ALDH1L1: variants seen among roughly 807,000 people sequenced by gnomAD.
ALDH1L1 encodes the protein cytosolic 10-formyltetrahydrofolate dehydrogenase.
In ALDH1L1, 68 loss-of-function variants were observed where a neutral mutation model predicts 101.1. The ratio of observed to expected loss-of-function variants is 0.67; its 90% CI spans 0.55 to 0.82. ALDH1L1 has a LOEUF of 0.82. Ranked by LOEUF, ALDH1L1 falls within the 40% of genes least tolerant of loss-of-function variation. The probability of loss-of-function intolerance (pLI) is 0.00; values close to 1 mark genes in which losing one functional copy is unlikely to be tolerated. For missense variants in ALDH1L1, 1,087 were observed against 1,172.7 expected (o/e 0.93, Z 1.07); for synonymous variants, 486 against 470.8 (o/e 1.03, Z -0.42).
At chr3:126,178,146 C>A (rs1475857203) in intron 1 of ALDH1L1, among the ~76,000 whole-genome samples, 1 of 152,138 alleles carries the variant, frequency 6.6e-6, no homozygotes, top group African/African-American at 2.4e-5. Flanking sequence ...CTTTGGGAGG[C>A]CAAGGCAGAG....
intron 1 of ALDH1L1, among the ~76,000 whole-genome samples, chr3:126,166,937 T>A (rs1357331494): frequency 6.6e-6 from 1 of 152,192 alleles, no homozygotes; most frequent in Non-Finnish European, 1.5e-5. Flanking sequence ...TCATAATTTC[T>A]GCTCATACAA....
rs374192935 is a variant in ALDH1L1 at position 126,153,559 on chromosome 3, G to A, written c.743C>T (p.Thr248Met). The change falls in exon 7 of 23, where the codon ACG becomes ATG. Residue 248 changes from threonine to methionine, a missense_variant. Thr to Met is a moderately conservative substitution (Grantham distance 81, BLOSUM62 -1). Around this residue, in one of 2 missense-constraint regions of ALDH1L1, gnomAD observed 645 missense variants for 637.0 expected, o/e 1.01. Transcript: ENST00000393434. ...CEQKLTFFNSTLNTSGLVPEG... is the reference protein window; with the variant it reads ...CEQKLTFFNSMLNTSGLVPEG... Reference sequence around the variant, plus strand: ...GGGCACCAGGCCTGAAGTGTTCAGCGTTGAGTTGAAAAATGTCAGTTTCTG... The same window carrying A: ...GGGCACCAGGCCTGAAGTGTTCAGCATTGAGTTGAAAAATGTCAGTTTCTG... 4 of 1,612,722 alleles carry A rather than the reference G, an allele frequency of 2.5e-6. No individual in the cohort carries two copies. The highest frequency in any genetic ancestry group is 1.3e-5 in the African/African-American group (1 of 74,848).
At position 126,157,492 on chromosome 3, in the gene ALDH1L1, C is replaced by T; in HGVS notation, c.379G>A (p.Asp127Asn). 6.2e-7 allele frequency: 1 copy of T among 1,613,936 alleles called. No homozygotes were observed. The highest frequency in any genetic ancestry group is 2.2e-5 in the East Asian group (1 of 44,862). The change falls in exon 4 of 23, where the codon GAT (aspartate) becomes AAT (asparagine). Residue 127 changes from aspartate to asparagine, a missense_variant. By Grantham distance (23) the Asp-to-Asn change is conservative (BLOSUM62 1). Transcript: ENST00000393434. ...SAINWTLIHGDKKGGFSIFWA... is the reference protein window; with the variant it reads ...SAINWTLIHGNKKGGFSIFWA... ...AAGATGGAAAACCCCCCTTTCTTAT[C>T]TCCGTGAATGAGGGTCCTAGGAAGC...
intron 12 of ALDH1L1, among the ~76,000 whole-genome samples, chr3:126,133,660 G>C (rs2080360194): frequency 6.6e-6 from 1 of 152,204 alleles, no homozygotes; most frequent in African/African-American, 2.4e-5. Flanking sequence ...TCACACCCTG[G>C]CACCCATGCT....
chr3:126,105,922 G>A lies in ALDH1L1; in HGVS notation c.2457C>T (p.Asp819=), dbSNP rs1482057853. The change falls in exon 22 of 23, where the codon GAC becomes GAT. Residue 819 remains aspartate (D), a synonymous_variant. Transcript: ENST00000393434. ...TGGCCCGAGACAGCACGGCATCCAA[G>A]TCCCTGGAGAGAAAGTCCAGGAAGA... ...VMIISRFADG[D]LDAVLSRANA... 5.6e-6 allele frequency: 9 copies of A among 1,611,702 alleles called. No individual in the cohort carries two copies. Among genetic ancestry groups the A allele is most frequent in the Non-Finnish European group, 7.6e-6 (9 of 1,177,978 alleles).
intron 10 of ALDH1L1, 71 bp from the exon 11 acceptor site, chr3:126,136,954 A>G: frequency 6.3e-7 from 1 of 1,590,368 alleles, no homozygotes. Flanking sequence ...ATGGCCACAC[A>G]GTCACACACA....
chr3:126,173,947 T>G (rs929576834), intron 1 of ALDH1L1, among the ~76,000 whole-genome samples: 5 of 152,224 alleles, frequency 3.3e-5, no homozygotes, highest in African/African-American at 9.6e-5. Flanking sequence ...TGCTAAAATG[T>G]GTAAAGCAAA....
chr3:126,106,997 G>A lies in ALDH1L1; in HGVS notation c.2453+144C>T, dbSNP rs548122544. On this transcript the variant is annotated intron_variant, in intron 21 of 22. Coordinates refer to ENST00000393434, the MANE Select transcript of ALDH1L1 (RefSeq NM_012190.4). Reference sequence around the variant, plus strand: ...TCAGGGGTGTGGAGACTCAGCAGGCGGCACAAGCGGGGTGTCCACGGCTTG... The same window carrying A: ...TCAGGGGTGTGGAGACTCAGCAGGCAGCACAAGCGGGGTGTCCACGGCTTG... The A allele has an allele frequency of 2.1e-4, 149 of 693,158 alleles. 1 individual carries two copies. Among genetic ancestry groups the A allele is most frequent in the African/African-American group, 1.2e-4 (7 of 56,336 alleles). 42.9% of individuals were successfully genotyped at this position (693,158 alleles called of 1,614,324 possible). A position where few individuals can be genotyped will look rare whatever the true frequency, so the allele number is the denominator to read the frequency against.
intron 3 of ALDH1L1, among the ~76,000 whole-genome samples, chr3:126,158,078 G>A (rs887015220): frequency 7.9e-5 from 12 of 152,022 alleles, no homozygotes; most frequent in Non-Finnish European, 1.2e-4. Context: ...TGGCCCCTGC[G>A]CCTCCTGGTG....
chr3:126,173,986 TG>T (rs2081328014), intron 1 of ALDH1L1, among the ~76,000 whole-genome samples: 1 of 152,196 alleles, frequency 6.6e-6, no homozygotes, highest in Non-Finnish European at 1.5e-5. Context: ...GAGAAATAGA[TG>T]AATCCACTAT....
chr3:126,140,279 T>C (rs368945376), intron 9 of ALDH1L1, among the ~76,000 whole-genome samples: 1 of 152,094 alleles, frequency 6.6e-6, no homozygotes, highest in African/African-American at 2.4e-5. Flanking sequence ...TGGGGAAAAA[T>C]GGCAACAACG....
intron 18 of ALDH1L1, 77 bp from the exon 19 acceptor site, chr3:126,112,957 G>T (rs572487345): frequency 7.4e-7 from 1 of 1,357,368 alleles, no homozygotes; most frequent in Non-Finnish European, 1.0e-6. Flanking sequence ...GGGCCCAGCC[G>T]CCTCTTCTAA....
chr3:126,124,738 A>G lies in ALDH1L1; in HGVS notation c.1801-287T>C, dbSNP rs767765679. ...AGGCCTGGGTTCCCTTCTGCACAGCATAAGTTTCTAAAGCCAGAGGTTAAG... is the reference window on the plus strand; with the variant it reads ...AGGCCTGGGTTCCCTTCTGCACAGCGTAAGTTTCTAAAGCCAGAGGTTAAG... On this transcript the variant is annotated intron_variant, in intron 15 of 22. Coordinates refer to ENST00000393434, the MANE Select transcript of ALDH1L1 (RefSeq NM_012190.4). Among the ~76,000 whole-genome samples, 14 of 152,210 alleles carry G rather than the reference A, an allele frequency of 9.2e-5. No individual in the cohort carries two copies. The South Asian group carries it at 2.3e-3, about 25-fold the overall frequency.
In ALDH1L1 at chr3:126,136,773, G is replaced by A. The variant is rs139437435; in HGVS notation, c.1335C>T (p.Thr445=). 2.4e-4 allele frequency: 385 copies of A among 1,573,290 alleles called. No homozygotes were observed. The African/African-American group carries it at 2.8e-3, about 11-fold the overall frequency. The change falls in exon 11 of 23, where the codon ACC becomes ACT. Residue 445 remains threonine (T), a synonymous_variant. Coordinates refer to ENST00000393434, the MANE Select transcript of ALDH1L1 (RefSeq NM_012190.4). ...CTGGGCCTGCACTCACACTTCCATC[G>A]GTGGGATTGATGGTCTCAGAGGTCT... is the stretch of plus-strand genomic sequence containing the variant. ...GAKTSETINP[T]DGSVICQVSL... is the part of the protein sequence containing the mutation.
In ALDH1L1 at chr3:126,124,110, G is replaced by GACACAC. The variant is rs3841921; in HGVS notation, c.1888+248_1888+253dup. On this transcript the variant is annotated intron_variant, in intron 16 of 22. Transcript: ENST00000393434. ...TAACAAGTTTATTCCAGGGCGCGCGGACACACACACACACACACACACACA... is the reference window on the plus strand; with the variant it reads ...TAACAAGTTTATTCCAGGGCGCGCGGACACACACACACACACACACACACACACACA... Among the ~76,000 whole-genome samples, 591 of 148,886 alleles carry GACACAC rather than the reference G, an allele frequency of 4.0e-3. 3 individuals are homozygous for GACACAC. The highest frequency in any genetic ancestry group is 0.013 in the African/African-American group (515 of 41,068).
At chr3:126,160,765 T>G (rs2081027873) in intron 2 of ALDH1L1, 88 bp downstream of exon 2, 2 of 1,558,786 alleles carry the variant, frequency 1.3e-6, no homozygotes, top group Non-Finnish European at 1.7e-6. Flanking sequence ...TGCAGACTTC[T>G]GCTCCCAGAC....
chr3:126,154,194 C>T (rs2080861181), intron 6 of ALDH1L1, among the ~76,000 whole-genome samples: 1 of 152,214 alleles, frequency 6.6e-6, no homozygotes, highest in Non-Finnish European at 1.5e-5. Context: ...GTCAGCCTGG[C>T]CCTGAATGTG....
At chr3:126,176,261 A>G (rs2081363092) in intron 1 of ALDH1L1, among the ~76,000 whole-genome samples, 1 of 152,160 alleles carries the variant, frequency 6.6e-6, no homozygotes, top group African/African-American at 2.4e-5. Flanking sequence ...GTTCTTTCCG[A>G]CTTTATCTAT....
At chr3:126,135,909 G>A (rs906539206) in intron 11 of ALDH1L1, among the ~76,000 whole-genome samples, 3 of 152,224 alleles carry the variant, frequency 2.0e-5, no homozygotes, top group African/African-American at 7.2e-5. Context: ...CCTGCCCTGA[G>A]TGTGCCATCC....
Sources: allele counts gnomAD v4.1 joint callset (sites outside exome capture counted in the v4.1 genomes callset), GRCh38; gene constraint gnomAD v4.1.1; regional missense constraint gnomAD v4.1.1; transcripts MANE v1.5; gene names NCBI Gene and HGNC (gene_info 2026-07-23, HGNC 2026-07-21).